Variants in FLI1 observed in about 807,000 individuals in gnomAD.
FLI1 encodes Friend leukemia integration 1 transcription factor.
A neutral mutation model predicts 53.1 loss-of-function variants in FLI1; 13 were observed. The observed-to-expected ratio is 0.24, with a 90% CI of 0.16 to 0.39. The LOEUF (loss-of-function observed/expected upper bound fraction) is 0.39, where lower values mean the gene tolerates loss of function less well. Ranked by LOEUF, FLI1 falls within the 10% of genes least tolerant of loss-of-function variation. FLI1 has a pLI of 1.00. For missense variants in FLI1, 424 were observed against 600.5 expected (o/e 0.71, Z 3.07); for synonymous variants, 244 against 236.7 (o/e 1.03, Z -0.28).
chr11:128,790,058 G>GCA (rs1301659252), intron 5 of FLI1, among the ~76,000 whole-genome samples: 2 of 131,422 alleles, frequency 1.5e-5, no homozygotes, highest in African/African-American at 6.8e-5. Context: ...GTGTGTGTGT[G>GCA]TGCATGCATG....
At chr11:128,724,003 C>G (rs1053646125) in intron 1 of FLI1, among the ~76,000 whole-genome samples, 1 of 126,280 alleles carries the variant, frequency 7.9e-6, no homozygotes, top group African/African-American at 3.0e-5. Context: ...AGTATAGTGG[C>G]GCCATCTGGG....
At chr11:128,754,100 C>T (rs1661691478) in intron 1 of FLI1, among the ~76,000 whole-genome samples, 1 of 152,210 alleles carries the variant, frequency 6.6e-6, no homozygotes, top group Non-Finnish European at 1.5e-5. Flanking sequence ...TCAAATTCAG[C>T]CCAGTGAGCC....
chr11:128,702,079 A>G (rs1178947549), intron 1 of FLI1, among the ~76,000 whole-genome samples: 2 of 152,240 alleles, frequency 1.3e-5, no homozygotes, highest in Admixed American at 1.3e-4. Context: ...CAGTCTATGG[A>G]AAAGCGTATG....
upstream of FLI1, among the ~76,000 whole-genome samples, chr11:128,685,723 A>T (rs1222543876): frequency 2.6e-5 from 4 of 151,498 alleles, no homozygotes; most frequent in East Asian, 7.7e-4. Flanking sequence ...AAAAAAAAAA[A>T]AAAAAAAAAA....
chr11:128,688,731 G>A (rs1937628993), intron 1 of FLI1, among the ~76,000 whole-genome samples: 1 of 152,178 alleles, frequency 6.6e-6, no homozygotes, highest in South Asian at 2.1e-4. Flanking sequence ...GTAGGAAAGG[G>A]GCAGGGAAGA....
chr11:128,699,994 G>T (rs1314407974), intron 1 of FLI1, among the ~76,000 whole-genome samples: 1 of 152,176 alleles, frequency 6.6e-6, no homozygotes, highest in African/African-American at 2.4e-5. Flanking sequence ...TGGCAAAAGG[G>T]CTCTGCCAGG....
intron 1 of FLI1, among the ~76,000 whole-genome samples, chr11:128,704,651 C>T (rs1938476843): frequency 6.6e-6 from 1 of 152,146 alleles, no homozygotes; most frequent in African/African-American, 2.4e-5. Context: ...TTCTGGAAGG[C>T]TTTGTTTCTT....
chr11:128,762,731 C>T (rs1013203309), intron 2 of FLI1, among the ~76,000 whole-genome samples: 4 of 152,088 alleles, frequency 2.6e-5, no homozygotes, highest in African/African-American at 4.8e-5. Context: ...GCCAAGGCGG[C>T]GGATCACCTG....
At chr11:128,788,312 AT>A (rs1417516567) in intron 5 of FLI1, among the ~76,000 whole-genome samples, 1 of 152,010 alleles carries the variant, frequency 6.6e-6, no homozygotes, top group Non-Finnish European at 1.5e-5. Flanking sequence ...TCTACTAAAA[AT>A]AAAAAATTAG....
intron 8 of FLI1, 122 bp downstream of exon 8, chr11:128,809,326 GA>G: frequency 1.2e-6 from 1 of 815,074 alleles, no homozygotes; most frequent in South Asian, 1.4e-5. Context: ...GTCTTTCCTT[GA>G]AATGTTCAAT....
intron 5 of FLI1, among the ~76,000 whole-genome samples, chr11:128,782,581 C>T (rs1472920080): frequency 4.6e-5 from 7 of 152,090 alleles, no homozygotes; most frequent in Non-Finnish European, 1.5e-5. Flanking sequence ...ACCTGTAATT[C>T]CAGCTACTCA....
At chr11:128,783,451 C>A (rs1291331708) in intron 5 of FLI1, among the ~76,000 whole-genome samples, 2 of 152,210 alleles carry the variant, frequency 1.3e-5, no homozygotes, top group Non-Finnish European at 2.9e-5. Context: ...TCTCTCCTAT[C>A]CCACCCTGAG....
intron 1 of FLI1, among the ~76,000 whole-genome samples, chr11:128,705,286 G>A (rs1360286551): frequency 1.3e-5 from 2 of 152,244 alleles, no homozygotes; most frequent in Non-Finnish European, 2.9e-5. Context: ...TCCCAGGTAA[G>A]AAAGCCTGCC....
chr11:128,694,980 G>A (rs1402331159), intron 1 of FLI1, among the ~76,000 whole-genome samples: 1 of 151,644 alleles, frequency 6.6e-6, no homozygotes, highest in Admixed American at 6.6e-5. Flanking sequence ...CCCAGCCCCC[G>A]TCCGCACAGA....
chr11:128,687,845 G>T (rs955538236), intron 1 of FLI1, among the ~76,000 whole-genome samples: 2 of 152,216 alleles, frequency 1.3e-5, no homozygotes, highest in African/African-American at 4.8e-5. Flanking sequence ...GGCCCAAAAA[G>T]GGGTGTTTCA....
At chr11:128,708,964 A>C (rs1032775422) in intron 1 of FLI1, among the ~76,000 whole-genome samples, 2 of 152,240 alleles carry the variant, frequency 1.3e-5, no homozygotes, top group African/African-American at 4.8e-5. Flanking sequence ...TCTTGCCTAA[A>C]AAAGGTGAGA....
At chr11:128,778,835 G>C (rs1056500215) in intron 4 of FLI1, among the ~76,000 whole-genome samples, 8 of 152,282 alleles carry the variant, frequency 5.3e-5, no homozygotes, top group African/African-American at 1.9e-4. Context: ...CAGAGAGGGA[G>C]GCCAGACTCC....
At chr11:128,778,339 G>A (rs2516628) in intron 4 of FLI1, among the ~76,000 whole-genome samples, 1 of 152,092 alleles carries the variant, frequency 6.6e-6, no homozygotes, top group Non-Finnish European at 1.5e-5. Flanking sequence ...TAGAATTTCA[G>A]CCCCCTGTAC....
intron 1 of FLI1, among the ~76,000 whole-genome samples, chr11:128,747,853 G>T (rs1229182744): frequency 2.0e-5 from 3 of 152,290 alleles, no homozygotes; most frequent in Middle Eastern, 3.4e-3. Flanking sequence ...TCTTCGTGGG[G>T]TTCAGATGAA....
Sources: gnomAD v4.1 joint callset for allele counts (sites outside exome capture counted in the v4.1 genomes callset) on GRCh38, gnomAD v4.1.1 for gene constraint, MANE v1.5 for transcripts, NCBI Gene and HGNC (gene_info 2026-07-23, HGNC 2026-07-21) for gene names.